Variants in FMOD observed in about 807,000 individuals in gnomAD.
The protein encoded by FMOD is KSPG fibromodulin.
A neutral mutation model predicts 27.0 loss-of-function variants in FMOD; 15 were observed. The observed-to-expected ratio is 0.55, with a 90% CI of 0.37 to 0.85. The LOEUF (loss-of-function observed/expected upper bound fraction) is 0.85. Among genes scored for constraint, FMOD ranks in the 40% least tolerant of loss-of-function variants. The pLI is 0.00. For synonymous variants in FMOD, 210 were observed against 214.0 expected (o/e 0.98, Z 0.16); for missense variants, 460 against 483.2 (o/e 0.95, Z 0.45).
chr1:203,344,193 G>A (rs61363542), intron 2 of FMOD, among the ~76,000 whole-genome samples: 1,553 of 152,280 alleles, frequency 0.01, 19 homozygotes, highest in African/African-American at 0.035. Flanking sequence ...AAGAAGCAAA[G>A]TGGCTCAGCT....
rs770447264 is a variant in FMOD at position 203,348,196 on chromosome 1, A to G, written c.75T>C (p.His25=). The change falls in exon 2 of 3, where the codon CAT becomes CAC. Residue 25 remains histidine (H), a synonymous_variant. Coordinates refer to ENST00000354955, the MANE Select transcript of FMOD (RefSeq NM_002023.5). The stretch of plus-strand genomic sequence containing the variant: ...GGCTGCGGAGGTAGTGGAACCACCA[A>G]TGAGGGTCATCTTCATACTGGGCCT... ...LSQAQYEDDP[H]WWFHYLRSQQ... is the part of the protein sequence containing the mutation. 6.8e-6 allele frequency: 11 copies of G among 1,614,198 alleles called. No homozygotes were observed. The highest frequency in any genetic ancestry group is 2.2e-5 in the South Asian group (2 of 91,088).
chr1:203,342,742 C>T (rs1411346779), intron 2 of FMOD, among the ~76,000 whole-genome samples: 2 of 152,010 alleles, frequency 1.3e-5, no homozygotes, highest in African/African-American at 4.8e-5. Context: ...ACTCTGCAGG[C>T]CCAGGAATGT....
At chr1:203,348,506 C>G (rs1401423809) in intron 1 of FMOD, among the ~76,000 whole-genome samples, 1 of 152,144 alleles carries the variant, frequency 6.6e-6, no homozygotes, top group Non-Finnish European at 1.5e-5. Flanking sequence ...TGCATTTTCC[C>G]CTGGTCATAG....
chr1:203,341,958 T>A lies in FMOD; in HGVS notation c.*385A>T, dbSNP rs1571515436. ...CCAGCCCAGCACAGAGGGAGAGCTG[T>A]CAAGTGCTGCTCACAGACAGCCAGG... On this transcript the variant is annotated 3_prime_UTR_variant, in exon 3 of 3. Coordinates refer to ENST00000354955, the MANE Select transcript of FMOD (RefSeq NM_002023.5). 5.8e-6 allele frequency: 1 copy of A among 171,380 alleles called. No individual in the cohort carries two copies. The highest frequency in any genetic ancestry group is 1.2e-5 in the Non-Finnish European group (1 of 80,820). The allele number at this position is 171,380 out of a possible 1,614,324, so 10.6% of individuals were successfully genotyped here. A position where few individuals can be genotyped will look rare whatever the true frequency, so the allele number is the denominator to read the frequency against.
chr1:203,347,884 T>A lies in FMOD; in HGVS notation c.387A>T (p.Thr129=). 2 of 1,614,034 alleles carry A rather than the reference T, an allele frequency of 1.2e-6. No homozygotes were observed. Among genetic ancestry groups the A allele is most frequent in the Non-Finnish European group, 1.7e-6 (2 of 1,179,902 alleles). ...CGTGGAGAGCAATCCAGAGCAGCCC[T>A]GTGGCATTGTCAAAGACGCCTTCCT... ...SIQEGVFDNA[T]GLLWIALHGN... The change falls in exon 2 of 3, where the codon ACA becomes ACT. Residue 129 remains threonine (T), a synonymous_variant. Transcript: ENST00000354955.
chr1:203,346,427 T>C (rs375009839), intron 2 of FMOD, among the ~76,000 whole-genome samples: 5 of 151,224 alleles, frequency 3.3e-5, no homozygotes, highest in African/African-American at 7.3e-5. Context: ...ATCCTAAGAC[T>C]AAAGGGAGCT....
chr1:203,342,255 C>T lies in FMOD; in HGVS notation c.*88G>A. On this transcript the variant is annotated 3_prime_UTR_variant, in exon 3 of 3. Transcript: ENST00000354955. ...GCCCGTGGACTTCTGTCACATGGTCCATCCTGGACCTTCCAGCAAAAGCCA... is the reference window on the plus strand; with the variant it reads ...GCCCGTGGACTTCTGTCACATGGTCTATCCTGGACCTTCCAGCAAAAGCCA... 6.8e-7 allele frequency: 1 copy of T among 1,480,506 alleles called. No individual in the cohort carries two copies. The highest frequency in any genetic ancestry group is 9.1e-7 in the Non-Finnish European group (1 of 1,101,434). 91.7% of individuals were successfully genotyped at this position (1,480,506 alleles called of 1,614,324 possible). A position where few individuals can be genotyped will look rare whatever the true frequency, so the allele number is the denominator to read the frequency against.
In FMOD at chr1:203,347,716, G is replaced by A. The variant is rs746533057; in HGVS notation, c.555C>T (p.His185=). Residue 185 remains histidine (H), a synonymous_variant, in exon 2 of 3, where the codon CAC becomes CAT. Coordinates refer to ENST00000354955, the MANE Select transcript of FMOD (RefSeq NM_002023.5). ...TGTTGGGGACCCGTGAGATCTGGTT[G>A]TGGTCGAGATGGAGCTCTCTCAGGG... ...PRSLRELHLD[H]NQISRVPNNA... 3.7e-6 allele frequency: 6 copies of A among 1,613,964 alleles called. No homozygotes were observed. The highest frequency in any genetic ancestry group is 5.1e-6 in the Non-Finnish European group (6 of 1,180,048).
At chr1:203,348,713 C>A (rs1039814915) in intron 1 of FMOD, among the ~76,000 whole-genome samples, 2 of 152,120 alleles carry the variant, frequency 1.3e-5, no homozygotes, top group Non-Finnish European at 2.9e-5. Context: ...TTTGGATGTT[C>A]CGGGGAAATA....
rs759671087 is a variant in FMOD at position 203,342,355 on chromosome 1, G to A, written c.1119C>T (p.Leu373=). Residue 373 remains leucine (L), a synonymous_variant, in exon 3 of 3, where the codon CTC becomes CTT. Coordinates refer to ENST00000354955, the MANE Select transcript of FMOD (RefSeq NM_002023.5). The stretch of plus-strand genomic sequence containing the variant: ...GTGCCAGGGCTGCTCAGATCTCGAT[G>A]AGGCTGGCAAGGCGCAGGCAGAGGG... The part of the protein sequence containing the change: ...DAPLCLRLAS[L]IEI 1.2e-5 allele frequency: 19 copies of A among 1,611,974 alleles called. No individual in the cohort carries two copies. Among genetic ancestry groups the A allele is most frequent in the Non-Finnish European group, 1.5e-5 (18 of 1,178,576 alleles).
At chr1:203,348,715 G>A (rs1472381769) in intron 1 of FMOD, among the ~76,000 whole-genome samples, 6 of 152,206 alleles carry the variant, frequency 3.9e-5, no homozygotes, top group Non-Finnish European at 5.9e-5. Flanking sequence ...TGGATGTTCC[G>A]GGGAAATAGT....
At position 203,348,048 on chromosome 1, in the gene FMOD, C is replaced by T. The variant is rs773478079; in HGVS notation, c.223G>A (p.Asp75Asn). ...GGGCAGTCGCACTCCTGGGGGCAGT[C>T]GCGGGGATCTGGAGGGGATGGAGAG... ...YGSPSPPDPR[D>N]CPQECDCPPN... Residue 75 changes from aspartate to asparagine, a missense_variant, in exon 2 of 3, where the codon GAC becomes AAC. Transcript: ENST00000354955. 26 of 1,612,526 alleles carry T rather than the reference C, an allele frequency of 1.6e-5. No individual in the cohort carries two copies. Among genetic ancestry groups the T allele is most frequent in the Middle Eastern group, 1.7e-4 (1 of 6,058 alleles).
chr1:203,349,996 G>C (rs1031259667), intron 1 of FMOD, among the ~76,000 whole-genome samples: 1 of 152,246 alleles, frequency 6.6e-6, no homozygotes, highest in African/African-American at 2.4e-5. Context: ...GACGAATGGA[G>C]CGGCCCACTG....
intron 2 of FMOD, among the ~76,000 whole-genome samples, chr1:203,343,407 C>T (rs940836782): frequency 6.6e-6 from 1 of 152,202 alleles, no homozygotes; most frequent in Non-Finnish European, 1.5e-5. Flanking sequence ...GCCAAGAACT[C>T]AGCTAAAACT....
chr1:203,348,361 C>T (rs904653819), intron 1 of FMOD, 84 bp from the exon 2 acceptor site: 2 of 1,434,560 alleles, frequency 1.4e-6, no homozygotes, highest in Admixed American at 2.0e-5. Context: ...AAGCCTTAGG[C>T]TTTGAGCTAT....
chr1:203,349,874 T>C (rs2102306196), intron 1 of FMOD, among the ~76,000 whole-genome samples: 1 of 152,330 alleles, frequency 6.6e-6, no homozygotes, highest in South Asian at 2.1e-4. Context: ...CCCTGGCTCA[T>C]CCACAGGCAG....
chr1:203,344,653 CCT>C (rs1056584325), intron 2 of FMOD, among the ~76,000 whole-genome samples: 8 of 152,094 alleles, frequency 5.3e-5, no homozygotes, highest in Non-Finnish European at 8.8e-5. Context: ...CCTGTGCGCC[CCT>C]GAGCTCCTGT....
chr1:203,350,913 T>C (rs1387651719), intron 1 of FMOD, 120 bp downstream of exon 1: 1 of 152,252 alleles, frequency 6.6e-6, no homozygotes, highest in Non-Finnish European at 1.5e-5. Context: ...ATGGCCCAGA[T>C]GTGGAGAAGG....
At position 203,350,824 on chromosome 1, in the gene FMOD, G is replaced by A. The variant is rs561654703; in HGVS notation, c.-8+209C>T. The stretch of plus-strand genomic sequence containing the variant: ...TGGAGGTCCCCTCAGCACCCATAAA[G>A]GAACTGTAAGAGAAAGGTACAGGGC... On this transcript the variant is annotated intron_variant, in intron 1 of 2. Transcript: ENST00000354955. Among the ~76,000 whole-genome samples, 6 of 152,302 alleles carry A rather than the reference G, an allele frequency of 3.9e-5. No individual in the cohort carries two copies. In the South Asian group the frequency reaches 8.3e-4, roughly 21 times the overall value.
Sources: gnomAD v4.1 joint callset for allele counts (sites outside exome capture counted in the v4.1 genomes callset) on GRCh38, gnomAD v4.1.1 for gene constraint, MANE v1.5 for transcripts, NCBI Gene and HGNC (gene_info 2026-07-23, HGNC 2026-07-21) for gene names.